Variants in INPP4A observed in about 807,000 individuals in gnomAD.
The protein encoded by INPP4A is inositol polyphosphate-4-phosphatase type I A.
A neutral mutation model predicts 119.8 loss-of-function variants in INPP4A; 33 were observed. That is an observed-to-expected ratio of 0.28 (90% CI 0.21 to 0.37). The LOEUF is 0.37. INPP4A is among the 10% of genes least tolerant of loss of function. The pLI, the probability that INPP4A is intolerant of heterozygous loss-of-function variation, is 1.00. For synonymous variants in INPP4A, 496 were observed against 500.7 expected (o/e 0.99, Z 0.12); for missense variants, 956 against 1,289.9 (o/e 0.74, Z 3.97).
At chr2:98,577,211 C>A (rs1698570433) in intron 24 of INPP4A, 68 bp downstream of exon 24, 8 of 1,465,212 alleles carry the variant, frequency 5.5e-6, no homozygotes, top group Non-Finnish European at 6.4e-6. Context: ...TGAGCTGGTA[C>A]CCTGCTCCTG....
At chr2:98,515,914 C>A (rs1369998951) in intron 1 of INPP4A, among the ~76,000 whole-genome samples, 1 of 152,190 alleles carries the variant, frequency 6.6e-6, no homozygotes, top group Non-Finnish European at 1.5e-5. Context: ...GGTTTACTGT[C>A]CACTTGATGG....
Position 98,546,189 on chromosome 2 carries a change from G to A in INPP4A, c.1054+116G>A. The stretch of plus-strand genomic sequence containing the variant: ...TTCCCTGTGTGCTCTGGGCGGCTCG[G>A]AGGAGAGATTTGTCACAAGGACCTT... On this transcript the variant is annotated intron_variant, in intron 12 of 24. Coordinates refer to ENST00000409851, the MANE Select transcript of INPP4A (RefSeq NM_001134225.2). This position sits in a 1 kb window ranked among gnomAD's most constrained non-coding sequence, Gnocchi z 4.2. The A allele has an allele frequency of 1.4e-6, 1 of 695,040 alleles. No individual in the cohort carries two copies. The highest frequency in any genetic ancestry group is 2.4e-6 in the Non-Finnish European group (1 of 409,972). 43.1% of individuals were successfully genotyped at this position (695,040 alleles called of 1,614,324 possible). A position where few individuals can be genotyped will look rare whatever the true frequency, so the allele number is the denominator to read the frequency against.
chr2:98,513,477 A>G (rs551532629), intron 1 of INPP4A, among the ~76,000 whole-genome samples: 1 of 152,144 alleles, frequency 6.6e-6, no homozygotes, highest in Admixed American at 6.5e-5. Context: ...TCACTCACTC[A>G]CTCACTTACT....
At chr2:98,583,427 G>A (rs1379276061) in intron 24 of INPP4A, among the ~76,000 whole-genome samples, 2 of 152,268 alleles carry the variant, frequency 1.3e-5, no homozygotes, top group Admixed American at 6.5e-5. Flanking sequence ...CAGTCCTCAC[G>A]TGGCATTCCC....
At position 98,554,465 on chromosome 2, in the gene INPP4A, G is replaced by C. The variant is rs1053468796; in HGVS notation, c.1542G>C (p.Gln514His). 8 of 1,613,794 alleles carry C rather than the reference G, an allele frequency of 5.0e-6. No individual in the cohort carries two copies. Among genetic ancestry groups the C allele is most frequent in the Non-Finnish European group, 6.8e-6 (8 of 1,179,846 alleles). ...WTGRNSRSSLQVDWHEEEWEK... is the reference protein window; with the variant it reads ...WTGRNSRSSLHVDWHEEEWEK... ...GGAGAAACAGCCGATCTTCCCTGCA[G>C]GTGGACTGGCACGAGGAGGAGTGGG... Residue 514 changes from glutamine (Q) to histidine (H), a missense_variant, in exon 15 of 25, where the codon CAG becomes CAC. Around this residue, in one of 2 missense-constraint regions of INPP4A, gnomAD observed 652 missense variants for 797.9 expected, o/e 0.82. Coordinates refer to ENST00000409851, the MANE Select transcript of INPP4A (RefSeq NM_001134225.2). The surrounding 1 kb of genome is among the most constrained non-coding windows in gnomAD (Gnocchi z 4.7).
chr2:98,572,046 C>T (rs1486041233), intron 22 of INPP4A: 1 of 152,554 alleles, frequency 6.6e-6, no homozygotes, highest in African/African-American at 2.4e-5. Context: ...AGTTAGATCC[C>T]AAGTGCTGCC....
chr2:98,476,959 G>A (rs1163371502), intron 1 of INPP4A, among the ~76,000 whole-genome samples: 1 of 152,178 alleles, frequency 6.6e-6, no homozygotes. Context: ...CCATCCCCCT[G>A]TTTCTGGATG....
intron 1 of INPP4A, among the ~76,000 whole-genome samples, chr2:98,467,874 T>G (rs1427849873): frequency 6.6e-6 from 1 of 152,242 alleles, no homozygotes; most frequent in African/African-American, 2.4e-5. Context: ...AGTTATTAAC[T>G]GTCTAATAGT....
At chr2:98,549,408 T>C (rs574711877) in intron 13 of INPP4A, among the ~76,000 whole-genome samples, 49 of 152,330 alleles carry the variant, frequency 3.2e-4, no homozygotes, top group African/African-American at 1.0e-3. Flanking sequence ...TTCATGATGC[T>C]TATTAATTTA....
chr2:98,484,534 T>G (rs1258707522), intron 1 of INPP4A, among the ~76,000 whole-genome samples: 1 of 152,132 alleles, frequency 6.6e-6, no homozygotes, highest in East Asian at 1.9e-4. Context: ...GGAGAGCCCT[T>G]CCAGCTGAGA....
chr2:98,580,177 G>C (rs1699084828), intron 24 of INPP4A, among the ~76,000 whole-genome samples: 1 of 152,064 alleles, frequency 6.6e-6, no homozygotes, highest in African/African-American at 2.4e-5. Flanking sequence ...CTGCCCGTGG[G>C]TGCAGGAGGA....
intron 22 of INPP4A, among the ~76,000 whole-genome samples, chr2:98,572,448 C>T (rs1466242250): frequency 2.6e-5 from 4 of 152,232 alleles, no homozygotes; most frequent in Admixed American, 6.5e-5. Flanking sequence ...CCAGTTTCTT[C>T]TACCCTCGGG....
chr2:98,555,531 A>C, intron 15 of INPP4A, 22 bp from the exon 16 acceptor site: 1 of 1,579,594 alleles, frequency 6.3e-7, no homozygotes, highest in Non-Finnish European at 8.6e-7. Flanking sequence ...GCTGACCCAC[A>C]TGGGCCCCTT....
At chr2:98,461,761 A>G (rs1021479505) in intron 1 of INPP4A, among the ~76,000 whole-genome samples, 1 of 152,144 alleles carries the variant, frequency 6.6e-6, no homozygotes, top group African/African-American at 2.4e-5. Context: ...CCCTGGTGCC[A>G]TGCTGCGTGC....
intron 1 of INPP4A, among the ~76,000 whole-genome samples, chr2:98,491,186 T>G (rs1383730221): frequency 1.3e-5 from 2 of 152,220 alleles, no homozygotes; most frequent in Admixed American, 1.3e-4. Flanking sequence ...CCTTAGGATT[T>G]TCACATCGTG....
chr2:98,498,467 A>G (rs747691953), intron 1 of INPP4A, among the ~76,000 whole-genome samples: 4 of 151,890 alleles, frequency 2.6e-5, no homozygotes, highest in Non-Finnish European at 5.9e-5. Flanking sequence ...AGTCCTGGGT[A>G]TGTCTTTATC....
At chr2:98,524,101 A>T (rs1045611305) in intron 4 of INPP4A, among the ~76,000 whole-genome samples, 3 of 152,182 alleles carry the variant, frequency 2.0e-5, no homozygotes, top group Non-Finnish European at 4.4e-5. Context: ...ACTGCTGGAC[A>T]TTCAGGTTCT....
rs1221820750 is a variant in INPP4A, at chr2:98,544,027, G to A, written c.949+20G>A. Reference sequence around the variant, plus strand: ...ACAGAGGTGGGTGCACCCCCATGCTGTCACCACACACGCGTGCGCACACAC... The same window carrying A: ...ACAGAGGTGGGTGCACCCCCATGCTATCACCACACACGCGTGCGCACACAC... On this transcript the variant is annotated intron_variant, in intron 11 of 24. Coordinates refer to ENST00000409851, the MANE Select transcript of INPP4A (RefSeq NM_001134225.2). The A allele has an allele frequency of 1.3e-6, 2 of 1,549,504 alleles. No homozygotes were observed. The highest frequency in any genetic ancestry group is 1.4e-5 in the African/African-American group (1 of 72,422).
chr2:98,562,626 C>T (rs1695696989), intron 17 of INPP4A, among the ~76,000 whole-genome samples: 3 of 152,192 alleles, frequency 2.0e-5, no homozygotes. Context: ...GGTCACATGC[C>T]TATTTCTGGT....
Sources: allele counts gnomAD v4.1 joint callset (sites outside exome capture counted in the v4.1 genomes callset), GRCh38; gene constraint gnomAD v4.1.1; regional missense constraint gnomAD v4.1.1; non-coding constraint Gnocchi (gnomAD v3.1); transcripts MANE v1.5; gene names NCBI Gene and HGNC (gene_info 2026-07-23, HGNC 2026-07-21).